RTN4: variants seen among roughly 807,000 people sequenced by gnomAD.
The protein encoded by RTN4 is reticulon-4.
In RTN4, 32 loss-of-function variants were observed where a neutral mutation model predicts 90.4. That is an observed-to-expected ratio of 0.35 (90% confidence interval 0.27 to 0.48). RTN4 has a LOEUF of 0.48. Among genes scored for constraint, RTN4 ranks in the 20% least tolerant of loss-of-function variants. The pLI, the probability that RTN4 is intolerant of heterozygous loss-of-function variation, is 0.99. For missense variants in RTN4, 1,706 were observed against 1,430.2 expected, an observed-to-expected ratio of 1.19 and a Z score of -3.11; for synonymous variants, 629 against 552.5, an observed-to-expected ratio of 1.14 and a Z score of -1.94.
upstream of RTN4, among the ~76,000 whole-genome samples, chr2:55,114,836 G>A (rs1224130117): frequency 2.0e-5 from 3 of 152,100 alleles, no homozygotes; most frequent in East Asian, 5.8e-4. Context: ...TGGCAATAGC[G>A]TGAAGAATAG....
intron 1 of RTN4, among the ~76,000 whole-genome samples, chr2:55,102,308 G>A (rs572911288): frequency 1.3e-5 from 2 of 152,202 alleles, no homozygotes; most frequent in African/African-American, 4.8e-5. Flanking sequence ...AGGCCAGGGG[G>A]TAGCAAACCT....
chr2:55,130,183 A>G, the RTN4 span, among the ~76,000 whole-genome samples: 1 of 152,244 alleles, frequency 6.6e-6, no homozygotes, highest in African/African-American at 2.4e-5. Flanking sequence ...TAGAAAGACT[A>G]CGTTGTTCAC....
intron 1 of RTN4, among the ~76,000 whole-genome samples, chr2:55,096,297 G>A (rs138101559): frequency 6.6e-6 from 1 of 151,642 alleles, no homozygotes; most frequent in Non-Finnish European, 1.5e-5. Flanking sequence ...TTGCACTCCA[G>A]CCTGGGCAAC....
At chr2:54,998,639 G>A (rs1286976963) in intron 3 of RTN4, among the ~76,000 whole-genome samples, 1 of 152,068 alleles carries the variant, frequency 6.6e-6, no homozygotes, top group Non-Finnish European at 1.5e-5. Flanking sequence ...ACTGATAAAT[G>A]CCTTTCATCT....
intron 3 of RTN4, among the ~76,000 whole-genome samples, chr2:54,993,659 C>T (rs998867777): frequency 1.3e-5 from 2 of 152,162 alleles, no homozygotes; most frequent in African/African-American, 2.4e-5. Context: ...TAAGCAGCTA[C>T]ATGAGAGTAG....
intron 1 of RTN4, among the ~76,000 whole-genome samples, chr2:55,090,559 C>T (rs1668917848): frequency 6.6e-6 from 1 of 152,112 alleles, no homozygotes; most frequent in Non-Finnish European, 1.5e-5. Context: ...GAAGTCTCCA[C>T]CTCCCCTCTA....
intron 2 of RTN4, among the ~76,000 whole-genome samples, chr2:55,057,605 CTA>C (rs1668211863): frequency 1.3e-5 from 2 of 152,272 alleles, no homozygotes; most frequent in African/African-American, 4.8e-5. Context: ...ATAAGTCACT[CTA>C]TTTTTGAGCA....
At chr2:55,129,579 T>C in the RTN4 span, among the ~76,000 whole-genome samples, 1 of 70,184 alleles carries the variant, frequency 1.4e-5, no homozygotes, top group Admixed American at 1.4e-4. Flanking sequence ...GCAAGACTGT[T>C]TTTTTTTTGA....
At chr2:55,082,386 C>A (rs188333185) in intron 1 of RTN4, among the ~76,000 whole-genome samples, 202 of 152,280 alleles carry the variant, frequency 1.3e-3, no homozygotes, top group African/African-American at 4.5e-3. Flanking sequence ...GACTTGAGAA[C>A]AGCCAAATCA....
At chr2:54,979,134 T>G (rs975306795) in intron 5 of RTN4, among the ~76,000 whole-genome samples, 2 of 151,794 alleles carry the variant, frequency 1.3e-5, no homozygotes, top group African/African-American at 4.8e-5. Flanking sequence ...GCTCACTGCA[T>G]CCTCCACCTC....
chr2:55,098,759 T>C (rs1667797462), intron 1 of RTN4, among the ~76,000 whole-genome samples: 1 of 152,138 alleles, frequency 6.6e-6, no homozygotes, highest in South Asian at 2.1e-4. Flanking sequence ...GGTTTCCCCC[T>C]GAACCCCCTT....
intron 1 of RTN4, among the ~76,000 whole-genome samples, chr2:55,106,465 T>A (rs1050475391): frequency 6.6e-6 from 1 of 152,148 alleles, no homozygotes; most frequent in African/African-American, 2.4e-5. Context: ...GAGGAAAGGA[T>A]AAGTGATAAT....
chr2:55,100,595 C>T (rs1667834746), intron 1 of RTN4, among the ~76,000 whole-genome samples: 1 of 152,136 alleles, frequency 6.6e-6, no homozygotes, highest in Admixed American at 6.6e-5. Context: ...CCTCAAGGTA[C>T]ATCTTCTCTA....
chr2:55,004,014 C>A (rs1437449997), intron 3 of RTN4, among the ~76,000 whole-genome samples: 1 of 152,118 alleles, frequency 6.6e-6, no homozygotes, highest in Admixed American at 6.6e-5. Context: ...TTTAAGAATT[C>A]TATTCTCTGC....
At chr2:55,036,956 C>T (rs959544451) in intron 1 of RTN4, among the ~76,000 whole-genome samples, 8 of 152,164 alleles carry the variant, frequency 5.3e-5, no homozygotes, top group African/African-American at 1.4e-4. Flanking sequence ...TCTTAACTTA[C>T]AGACAACAGG....
intron 2 of RTN4, among the ~76,000 whole-genome samples, chr2:55,069,651 C>T (rs752393190): frequency 2.6e-5 from 4 of 152,206 alleles, no homozygotes; most frequent in Non-Finnish European, 5.9e-5. Flanking sequence ...TCCACCCAAG[C>T]ATTCTTCCAA....
At chr2:55,115,768 G>A (rs1036130921), upstream of RTN4, among the ~76,000 whole-genome samples, 2 of 152,110 alleles carry the variant, frequency 1.3e-5, no homozygotes, top group African/African-American at 4.8e-5. Context: ...ATATGGGCAG[G>A]GAAATCTAGC....
chr2:55,118,929 A>G, the RTN4 span, among the ~76,000 whole-genome samples: 2 of 152,226 alleles, frequency 1.3e-5, no homozygotes, highest in Admixed American at 6.5e-5. Flanking sequence ...CTTGTATTCT[A>G]CACAAAATGC....
intron 1 of RTN4, among the ~76,000 whole-genome samples, chr2:55,039,271 T>C (rs1473792939): frequency 2.0e-5 from 3 of 152,144 alleles, no homozygotes; most frequent in Non-Finnish European, 4.4e-5. Context: ...GCATGTAAAT[T>C]ATATCTTAAT....
Sources: gnomAD v4.1 joint callset for allele counts (sites outside exome capture counted in the v4.1 genomes callset) on GRCh38, gnomAD v4.1.1 for gene constraint, MANE v1.5 for transcripts, NCBI Gene and HGNC (gene_info 2026-07-23, HGNC 2026-07-21) for gene names.